Variants in ANO4 observed in about 807,000 individuals in gnomAD.
The protein encoded by ANO4 is anoctamin 4.
In ANO4, 69 loss-of-function variants were observed where a neutral mutation model predicts 141.9. That is an observed-to-expected ratio of 0.49 (90% CI 0.40 to 0.59). The LOEUF (loss-of-function observed/expected upper bound fraction) is 0.59, where lower values mean the gene tolerates loss of function less well. Ranked by LOEUF, ANO4 falls within the 20% of genes least tolerant of loss-of-function variation. The pLI is 0.00. For missense variants in ANO4, 894 were observed against 1,162.2 expected (o/e 0.77, Z 3.36); for synonymous variants, 350 against 394.3 (o/e 0.89, Z 1.33).
At chr12:100,849,874 T>C (rs1231755407) in intron 1 of ANO4, among the ~76,000 whole-genome samples, 1 of 152,160 alleles carries the variant, frequency 6.6e-6, no homozygotes, top group Non-Finnish European at 1.5e-5. Context: ...CCTTGTGGGC[T>C]CCGGATCAAT....
chr12:100,853,012 A>T (rs1476276830), intron 1 of ANO4, among the ~76,000 whole-genome samples: 2 of 152,196 alleles, frequency 1.3e-5, no homozygotes, highest in Non-Finnish European at 2.9e-5. Context: ...AGTGTATCTT[A>T]TTGAGGGTTT....
chr12:101,060,898 A>G (rs941853627), intron 14 of ANO4, among the ~76,000 whole-genome samples: 3 of 152,110 alleles, frequency 2.0e-5, no homozygotes, highest in African/African-American at 7.2e-5. Flanking sequence ...TAATATTGTT[A>G]TGTGTGAATT....
At chr12:101,093,625 A>G (rs1430240432) in intron 17 of ANO4, among the ~76,000 whole-genome samples, 1 of 152,122 alleles carries the variant, frequency 6.6e-6, no homozygotes. Context: ...TCCTTGGTAC[A>G]CACACGCACA....
intron 7 of ANO4, among the ~76,000 whole-genome samples, chr12:100,979,895 CT>C (rs71091474): frequency 0.048 from 5,687 of 119,356 alleles, 178 homozygotes; most frequent in East Asian, 0.21. Context: ...GCCCAGCTGA[CT>C]TTTTTTTTTT....
intron 3 of ANO4, among the ~76,000 whole-genome samples, chr12:100,932,959 C>G (rs2042140702): frequency 6.6e-6 from 1 of 152,120 alleles, no homozygotes; most frequent in Non-Finnish European, 1.5e-5. Flanking sequence ...GAGTATCCCC[C>G]TTGCCTTCCC....
chr12:100,836,415 A>G (rs577893907), intron 1 of ANO4, among the ~76,000 whole-genome samples: 2 of 152,190 alleles, frequency 1.3e-5, no homozygotes, highest in African/African-American at 4.8e-5. Flanking sequence ...ATATGTATAC[A>G]TGTGCCATGT....
intron 9 of ANO4, among the ~76,000 whole-genome samples, chr12:101,026,014 A>C (rs1029268240): frequency 2.6e-5 from 4 of 152,196 alleles, no homozygotes; most frequent in Admixed American, 2.6e-4. Context: ...AAGATAATGA[A>C]CGGGACAAGT....
intron 9 of ANO4, among the ~76,000 whole-genome samples, chr12:101,027,524 G>A (rs2046793597): frequency 6.6e-6 from 1 of 152,224 alleles, no homozygotes; most frequent in Admixed American, 6.5e-5. Flanking sequence ...TCCCCTGCTG[G>A]AGCCAGGGAG....
At chr12:100,764,472 T>C (rs61218973) in intron 3 of ANO4, among the ~76,000 whole-genome samples, 24,295 of 152,196 alleles carry the variant, frequency 0.16, 2,136 homozygotes, top group Middle Eastern at 0.19. Context: ...ATAAAGCAAT[T>C]TGACATTTTT....
chr12:100,927,037 A>G (rs535527589), intron 3 of ANO4, among the ~76,000 whole-genome samples: 680 of 152,234 alleles, frequency 4.5e-3, no homozygotes, highest in Non-Finnish European at 7.4e-3. Flanking sequence ...TGAACAGAGC[A>G]TGGAGTGTGG....
At position 100,987,534 on chromosome 12, in the gene ANO4, C is replaced by T. The variant is rs756007229; in HGVS notation, c.603-5C>T. The stretch of plus-strand genomic sequence containing the variant: ...CCCTTTGGTCTTGCCTTCCATGTAC[C>T]ACAGGATCGATAAACAAATAAGCAG... On this transcript the variant is annotated splice_region_variant and splice_polypyrimidine_tract_variant and intron_variant, in intron 7 of 27. Coordinates refer to ENST00000392977, the MANE Select transcript of ANO4 (RefSeq NM_001286615.2). 28 of 1,612,988 alleles carry T rather than the reference C, an allele frequency of 1.7e-5. No homozygotes were observed. The highest frequency in any genetic ancestry group is 4.0e-5 in the African/African-American group (3 of 74,890).
intron 3 of ANO4, among the ~76,000 whole-genome samples, chr12:100,775,390 G>T (rs1189852818): frequency 6.6e-6 from 1 of 152,160 alleles, no homozygotes; most frequent in Non-Finnish European, 1.5e-5. Context: ...CCAATCCATG[G>T]TTGTGAATGC....
intron 1 of ANO4, among the ~76,000 whole-genome samples, chr12:100,889,893 A>G (rs1281233119): frequency 6.6e-6 from 1 of 152,192 alleles, no homozygotes; most frequent in Non-Finnish European, 1.5e-5. Flanking sequence ...GGAAGAATAA[A>G]TTAATTTGAA....
intron 17 of ANO4, among the ~76,000 whole-genome samples, chr12:101,088,954 A>G (rs1001106564): frequency 6.6e-6 from 1 of 152,204 alleles, no homozygotes; most frequent in Non-Finnish European, 1.5e-5. Flanking sequence ...CAATGTACAT[A>G]GAGTGCCAAG....
chr12:100,768,160 A>G (rs2033162112), intron 3 of ANO4, among the ~76,000 whole-genome samples: 1 of 152,106 alleles, frequency 6.6e-6, no homozygotes, highest in Non-Finnish European at 1.5e-5. Context: ...CATGAAAACA[A>G]GCTTGGATCC....
chr12:100,729,388 A>AAAAAAAT (rs2031287912), intron 1 of ANO4, among the ~76,000 whole-genome samples: 1 of 149,974 alleles, frequency 6.7e-6, no homozygotes, highest in Non-Finnish European at 1.5e-5. Flanking sequence ...AAAAAAAAAA[A>AAAAAAAT]AAGGTAACAC....
chr12:100,891,633 A>G (rs1353510873), intron 1 of ANO4, among the ~76,000 whole-genome samples: 1 of 152,056 alleles, frequency 6.6e-6, no homozygotes, highest in African/African-American at 2.4e-5. Flanking sequence ...CTTATTTTCA[A>G]TTAACAAATA....
chr12:100,974,007 C>A (rs545761286), intron 6 of ANO4, among the ~76,000 whole-genome samples: 2 of 152,272 alleles, frequency 1.3e-5, no homozygotes, highest in East Asian at 3.9e-4. Context: ...AGTAACAGTT[C>A]GGGATATACA....
At chr12:100,884,427 G>A (rs2039725115) in intron 1 of ANO4, among the ~76,000 whole-genome samples, 1 of 152,182 alleles carries the variant, frequency 6.6e-6, no homozygotes, top group African/African-American at 2.4e-5. Flanking sequence ...TTTGGGGAAG[G>A]CCTATCAGTG....
Sources: allele counts gnomAD v4.1 joint callset (sites outside exome capture counted in the v4.1 genomes callset), GRCh38; gene constraint gnomAD v4.1.1; transcripts MANE v1.5; gene names NCBI Gene and HGNC (gene_info 2026-07-23, HGNC 2026-07-21).